FKBP1B: variants seen among roughly 807,000 people sequenced by gnomAD.
FKBP1B encodes FKBP prolyl isomerase 1B, also known as peptidyl-prolyl cis-trans isomerase FKBP1B.
Under a neutral mutation model 13.5 loss-of-function variants are expected in FKBP1B, and 4 were observed. That is an observed-to-expected ratio of 0.30 (90% confidence interval 0.15 to 0.68). FKBP1B has a LOEUF of 0.68. Ranked by LOEUF, FKBP1B falls within the 30% of genes least tolerant of loss-of-function variation. The pLI is 0.76. For synonymous variants in FKBP1B, 54 were observed against 53.6 expected (o/e 1.01, Z -0.03); for missense variants, 93 against 136.2 (o/e 0.68, Z 1.58).
chr2:24,051,990 C>T (rs990076539), intron 1 of FKBP1B, among the ~76,000 whole-genome samples: 2 of 152,176 alleles, frequency 1.3e-5, no homozygotes, highest in African/African-American at 4.8e-5. Context: ...CTGTTCCTCC[C>T]GTCTTCCCTA....
At chr2:24,048,470 C>CA (rs11367799), upstream of FKBP1B, among the ~76,000 whole-genome samples, 3,998 of 86,902 alleles carry the variant, frequency 0.046, 80 homozygotes, top group African/African-American at 0.075. Context: ...GATTCTGTCT[C>CA]AAAAAAAAAA....
chr2:24,049,791 G>T lies in FKBP1B; in HGVS notation c.-59G>T. 2 of 1,301,516 alleles carry T rather than the reference G, an allele frequency of 1.5e-6. No individual in the cohort carries two copies. The highest frequency in any genetic ancestry group is 2.0e-6 in the Non-Finnish European group (2 of 1,018,262). The allele number at this position is 1,301,516 out of a possible 1,614,324, so 80.6% of individuals were successfully genotyped here. On this transcript the variant is annotated 5_prime_UTR_variant, in exon 1 of 4. Transcript: ENST00000380986. ...GAGCGACGGCGGGGCTGGGGCCGGA[G>T]CCGAGCCGGGGTCGGGCAGCAGCAG...
At chr2:24,042,550 A>AG in the FKBP1B span, among the ~76,000 whole-genome samples, 2 of 150,938 alleles carry the variant, frequency 1.3e-5, no homozygotes, top group Non-Finnish European at 3.0e-5. Flanking sequence ...AAAAAAAAAA[A>AG]AAAAAAAAAT....
the FKBP1B span, among the ~76,000 whole-genome samples, chr2:24,036,614 T>A: frequency 6.6e-6 from 1 of 152,194 alleles, no homozygotes; most frequent in Non-Finnish European, 1.5e-5. Context: ...GGTACTAATA[T>A]GAATGGATAC....
chr2:24,062,314 A>C (rs1664430909), intron 3 of FKBP1B, among the ~76,000 whole-genome samples: 1 of 152,074 alleles, frequency 6.6e-6, no homozygotes, highest in South Asian at 2.1e-4. Context: ...CTGAGATTAC[A>C]GGTGTGCACC....
chr2:24,043,517 AC>A, the FKBP1B span, among the ~76,000 whole-genome samples: 7 of 151,670 alleles, frequency 4.6e-5, no homozygotes, highest in Admixed American at 3.3e-4. Context: ...AAAACAAAAA[AC>A]CCCCCAACAA....
Position 24,063,467 on chromosome 2 carries a change from CAGAT to C in FKBP1B, c.*276_*279del. The C allele has an allele frequency of 2.7e-6, 1 of 369,226 alleles. No homozygotes were observed. The highest frequency in any genetic ancestry group is 4.8e-6 in the Non-Finnish European group (1 of 206,250). The allele number at this position is 369,226 out of a possible 1,614,324, so 22.9% of individuals were successfully genotyped here. A position where few individuals can be genotyped will look rare whatever the true frequency, so the allele number is the denominator to read the frequency against. ...AGTAGCCTTTCCTGATGACAGAACA[CAGAT>C]CTCTTGTTCGCACAATCTACACTGC... On this transcript the variant is annotated 3_prime_UTR_variant, in exon 4 of 4. Coordinates refer to ENST00000380986, the MANE Select transcript of FKBP1B (RefSeq NM_004116.5).
chr2:24,059,822 G>C (rs570055158), intron 2 of FKBP1B, among the ~76,000 whole-genome samples: 1 of 148,582 alleles, frequency 6.7e-6, no homozygotes, highest in East Asian at 2.0e-4. Context: ...TTGAACCCGG[G>C]AGGCGGAGGT....
chr2:24,039,533 A>G, the FKBP1B span: 1 of 1,590,306 alleles, frequency 6.3e-7, no homozygotes, highest in Non-Finnish European at 8.6e-7. Context: ...TAAGAAGGAA[A>G]GTTACACCAT....
At chr2:24,033,694 A>G in the FKBP1B span, among the ~76,000 whole-genome samples, 1 of 152,124 alleles carries the variant, frequency 6.6e-6, no homozygotes, top group East Asian at 1.9e-4. Context: ...TGAGCTGAGA[A>G]GGTGCCACTG....
chr2:24,056,319 C>T (rs553216850), intron 2 of FKBP1B, among the ~76,000 whole-genome samples: 9 of 151,424 alleles, frequency 5.9e-5, no homozygotes, highest in Non-Finnish European at 8.8e-5. Context: ...CTCTGGTGAG[C>T]GTTCAGTACC....
At chr2:24,034,280 G>T in the FKBP1B span, among the ~76,000 whole-genome samples, 1 of 152,136 alleles carries the variant, frequency 6.6e-6, no homozygotes, top group Admixed American at 6.6e-5. Context: ...AATTAGCTGG[G>T]TGTGGTGGTG....
intron 2 of FKBP1B, among the ~76,000 whole-genome samples, chr2:24,058,807 T>C (rs1235996859): frequency 6.6e-6 from 1 of 152,234 alleles, no homozygotes; most frequent in Non-Finnish European, 1.5e-5. Flanking sequence ...TTAGCAACCT[T>C]AGCAAATGCA....
intron 2 of FKBP1B, chr2:24,054,318 C>T: frequency 2.5e-6 from 1 of 393,700 alleles, no homozygotes; most frequent in South Asian, 2.7e-5. Context: ...CTCCATCCTG[C>T]AGTATCATTA....
At chr2:24,041,000 C>T in the FKBP1B span, among the ~76,000 whole-genome samples, 3 of 151,094 alleles carry the variant, frequency 2.0e-5, no homozygotes, top group Non-Finnish European at 4.4e-5. Context: ...TGGGTAACAA[C>T]AGCGAAACTC....
chr2:24,046,892 T>C (rs190098266), upstream of FKBP1B, among the ~76,000 whole-genome samples: 275 of 152,294 alleles, frequency 1.8e-3, 1 homozygote, highest in African/African-American at 6.4e-3. Context: ...CATTTCCCTA[T>C]GTTATTTAAA....
chr2:24,037,275 G>C, the FKBP1B span, among the ~76,000 whole-genome samples: 18,109 of 152,144 alleles, frequency 0.12, 1,258 homozygotes, highest in South Asian at 0.18. Context: ...CACTTGCCTC[G>C]GCCTCCCAAA....
At position 24,050,413 on chromosome 2, in the gene FKBP1B, C is replaced by G. The variant is rs867318696; in HGVS notation, c.37+527C>G. The stretch of plus-strand genomic sequence containing the variant: ...GGGAAGGGGGAAGCGCTCCCTTGCC[C>G]GCTTCCGGATCTCGCTTTATCCTGC... On this transcript the variant is annotated intron_variant, in intron 1 of 3. Transcript: ENST00000380986. The surrounding 1 kb of genome is among the most constrained non-coding windows in gnomAD (Gnocchi z 5.8). 9.2e-5 allele frequency among the ~76,000 whole-genome samples: 14 copies of G among 152,302 alleles called. No homozygotes were observed. The South Asian group carries it at 2.7e-3, about 29-fold the overall frequency.
Position 24,063,401 on chromosome 2 carries a change from G to A in FKBP1B, c.*209G>A. The A allele has an allele frequency of 1.9e-6, 1 of 513,800 alleles. No homozygotes were observed. Among genetic ancestry groups the A allele is most frequent in the Non-Finnish European group, 3.4e-6 (1 of 296,622 alleles). 31.8% of individuals were successfully genotyped at this position (513,800 alleles called of 1,614,324 possible). A position where few individuals can be genotyped will look rare whatever the true frequency, so the allele number is the denominator to read the frequency against. On this transcript the variant is annotated 3_prime_UTR_variant, in exon 4 of 4. Coordinates refer to ENST00000380986, the MANE Select transcript of FKBP1B (RefSeq NM_004116.5). Reference sequence around the variant, plus strand: ...CTTGCTTGAGGAAACTTCGGTTGCAGATTGAAGCATTTCAGGTTGTGCATT... The same window carrying A: ...CTTGCTTGAGGAAACTTCGGTTGCAAATTGAAGCATTTCAGGTTGTGCATT...
Sources: allele counts gnomAD v4.1 joint callset (sites outside exome capture counted in the v4.1 genomes callset), GRCh38; gene constraint gnomAD v4.1.1; non-coding constraint Gnocchi (gnomAD v3.1); transcripts MANE v1.5; gene names NCBI Gene and HGNC (gene_info 2026-07-23, HGNC 2026-07-21).